Variants in FHOD3 observed in about 807,000 individuals in gnomAD.
FHOD3 encodes formin homology 2 domain containing 3.
Under a neutral mutation model 173.0 loss-of-function variants are expected in FHOD3, and 90 were observed. The ratio of observed to expected loss-of-function variants is 0.52; its 90% CI spans 0.44 to 0.62. The LOEUF (loss-of-function observed/expected upper bound fraction) is 0.62, where lower values mean the gene tolerates loss of function less well. Ranked by LOEUF, FHOD3 falls within the 20% of genes least tolerant of loss-of-function variation. The pLI is 0.00. For synonymous variants in FHOD3, 828 were observed against 823.0 expected (o/e 1.01, Z -0.10); for missense variants, 1,945 against 2,034.7 (o/e 0.96, Z 0.85).
At chr18:36,488,324 G>C (rs1377681429) in intron 3 of FHOD3, among the ~76,000 whole-genome samples, 2 of 152,228 alleles carry the variant, frequency 1.3e-5, no homozygotes, top group African/African-American at 4.8e-5. Flanking sequence ...GTTTAGGGCA[G>C]AGAGGGTGAA....
chr18:36,688,619 C>T (rs1242343118), intron 16 of FHOD3, among the ~76,000 whole-genome samples: 3 of 152,166 alleles, frequency 2.0e-5, no homozygotes, highest in Non-Finnish European at 4.4e-5. Context: ...ACTGAAAATG[C>T]GGTTGACTTC....
At chr18:36,347,641 T>C (rs1268232145) in intron 1 of FHOD3, among the ~76,000 whole-genome samples, 2 of 152,258 alleles carry the variant, frequency 1.3e-5, no homozygotes, top group African/African-American at 2.4e-5. Flanking sequence ...GATATCTTTG[T>C]ACTTCATCCT....
chr18:36,378,352 T>C (rs34484767), intron 3 of FHOD3, among the ~76,000 whole-genome samples: 1 of 152,150 alleles, frequency 6.6e-6, no homozygotes, highest in African/African-American at 2.4e-5. Flanking sequence ...ATGAGCTCTG[T>C]GGGTTAATCA....
At chr18:36,733,497 A>G (rs1462500981) in intron 20 of FHOD3, among the ~76,000 whole-genome samples, 1 of 152,232 alleles carries the variant, frequency 6.6e-6, no homozygotes, top group Non-Finnish European at 1.5e-5. Context: ...CCTCCTTGTC[A>G]TGAGAACTTG....
rs1555686552 is a variant in FHOD3, at chr18:36,380,568, T to TTTCCTTTCCTTTCC, written c.337+7826_337+7827insCCTTTCCTTTCCTT. On this transcript the variant is annotated intron_variant, in intron 3 of 28. Coordinates refer to ENST00000590592, the MANE Select transcript of FHOD3 (RefSeq NM_001281740.3). ...CTTTCTTTTGTTTTCTTTTCTTTTC[T>TTTCCTTTCCTTTCC]TTTCTTTTCTTTTCCTTTCCTTTCC... 5.8e-3 allele frequency among the ~76,000 whole-genome samples: 482 copies of TTTCCTTTCCTTTCC among 82,576 alleles called. 6 individuals are homozygous for TTTCCTTTCCTTTCC. The highest frequency in any genetic ancestry group is 0.019 in the South Asian group (30 of 1,560). 54.2% of individuals were successfully genotyped at this position (82,576 alleles called of 152,430 possible). A position where few individuals can be genotyped will look rare whatever the true frequency, so the allele number is the denominator to read the frequency against.
chr18:36,632,074 T>C (rs2034555610), intron 10 of FHOD3, among the ~76,000 whole-genome samples: 1 of 152,194 alleles, frequency 6.6e-6, no homozygotes, highest in African/African-American at 2.4e-5. Flanking sequence ...TTTGTGAGCA[T>C]TAGCACTCTT....
intron 1 of FHOD3, among the ~76,000 whole-genome samples, chr18:36,337,671 A>C (rs1191818435): frequency 6.6e-6 from 1 of 152,198 alleles, no homozygotes; most frequent in African/African-American, 2.4e-5. Flanking sequence ...TTAAAAGTGC[A>C]CAAGTTGTAA....
intron 1 of FHOD3, among the ~76,000 whole-genome samples, chr18:36,323,460 G>A (rs766976974): frequency 6.6e-6 from 1 of 152,152 alleles, no homozygotes; most frequent in Admixed American, 6.5e-5. Context: ...ATAGCCCCAG[G>A]CACATCAGGC....
intron 18 of FHOD3, among the ~76,000 whole-genome samples, chr18:36,715,611 G>A (rs2040406140): frequency 6.6e-6 from 1 of 152,118 alleles, no homozygotes; most frequent in Non-Finnish European, 1.5e-5. Context: ...CCCAAATCCT[G>A]TTCTCACAGA....
intron 14 of FHOD3, among the ~76,000 whole-genome samples, chr18:36,666,353 C>T (rs2037180259): frequency 6.6e-6 from 1 of 152,208 alleles, no homozygotes; most frequent in Non-Finnish European, 1.5e-5. Context: ...TTGCTGGTTT[C>T]ATCATGAGAG....
intron 10 of FHOD3, among the ~76,000 whole-genome samples, chr18:36,635,363 G>A (rs16968095): frequency 0.015 from 2,266 of 152,296 alleles, 49 homozygotes; most frequent in African/African-American, 0.051. Flanking sequence ...TTAAGGCCAA[G>A]TGGAGCTACT....
chr18:36,652,545 C>A, intron 11 of FHOD3, 25 bp from the exon 12 acceptor site: 1 of 1,503,170 alleles, frequency 6.7e-7, no homozygotes, highest in Non-Finnish European at 8.9e-7. Flanking sequence ...TTTCTTCTTC[C>A]TCCTCCTCCC....
At chr18:36,604,208 ACT>A (rs2031794628) in intron 8 of FHOD3, among the ~76,000 whole-genome samples, 1 of 151,920 alleles carries the variant, frequency 6.6e-6, no homozygotes, top group Non-Finnish European at 1.5e-5. Flanking sequence ...CCTTCCTTGT[ACT>A]CTCCTTACAC....
chr18:36,625,041 T>TC (rs2033991686), intron 9 of FHOD3, among the ~76,000 whole-genome samples: 1 of 152,144 alleles, frequency 6.6e-6, no homozygotes, highest in African/African-American at 2.4e-5. Flanking sequence ...TTCACCTGGA[T>TC]CTTGTGGCTC....
In FHOD3 at chr18:36,351,387, T is replaced by C. The variant is rs1465403196; in HGVS notation, c.166-4152T>C. Among the ~76,000 whole-genome samples the C allele has an allele frequency of 2.0e-5, 3 of 152,204 alleles. No homozygotes were observed. The East Asian group carries it at 5.8e-4, about 29-fold the overall frequency. ...GGGACTCGGGCAGTTCCATGGAGGA[T>C]GCTTAGGTCTCTGCTAACGATAGCA... On this transcript the variant is annotated intron_variant, in intron 1 of 28. Coordinates refer to ENST00000590592, the MANE Select transcript of FHOD3 (RefSeq NM_001281740.3).
chr18:36,588,207 G>T (rs1288389320), intron 6 of FHOD3, among the ~76,000 whole-genome samples: 1 of 152,344 alleles, frequency 6.6e-6, no homozygotes, highest in Non-Finnish European at 1.5e-5. Flanking sequence ...CTGTTGGATT[G>T]TTTGATAACC....
rs369140565 is a variant in FHOD3 at position 36,720,732 on chromosome 18, T to C, written c.3417+2017T>C. On this transcript the variant is annotated intron_variant, in intron 19 of 28. Transcript: ENST00000590592. Reference sequence around the variant, plus strand: ...TCCTCCTCCTTCTCTTCCTCCTTCTTCTTCTCCTCCTCCTTCTTCTCCTCC... The same window carrying C: ...TCCTCCTCCTTCTCTTCCTCCTTCTCCTTCTCCTCCTCCTTCTTCTCCTCC... 4.3e-3 allele frequency among the ~76,000 whole-genome samples: 412 copies of C among 95,224 alleles called. 10 individuals are homozygous for C. The East Asian group carries it at 0.088, about 20-fold the overall frequency. The allele number at this position is 95,224 out of a possible 152,430, so 62.5% of individuals were successfully genotyped here. A position where few individuals can be genotyped will look rare whatever the true frequency, so the allele number is the denominator to read the frequency against.
intron 1 of FHOD3, among the ~76,000 whole-genome samples, chr18:36,349,384 G>A (rs1026057544): frequency 4.6e-5 from 7 of 152,230 alleles, no homozygotes; most frequent in Non-Finnish European, 1.0e-4. Context: ...GAGGGAATTT[G>A]CTGCAAAATC....
At position 36,465,620 on chromosome 18, in the gene FHOD3, C is replaced by G. The variant is rs369275324; in HGVS notation, c.338-36312C>G. Among the ~76,000 whole-genome samples, 3 of 152,224 alleles carry G rather than the reference C, an allele frequency of 2.0e-5. No individual in the cohort carries two copies. In the East Asian group the frequency reaches 5.8e-4, roughly 29 times the overall value. On this transcript the variant is annotated intron_variant, in intron 3 of 28. Coordinates refer to ENST00000590592, the MANE Select transcript of FHOD3 (RefSeq NM_001281740.3). ...CTTGGCTGATGGCTTCCTAATGATT[C>G]TAGGTTCATCAGACATTTGTGAGAG...
Sources: allele counts gnomAD v4.1 joint callset (sites outside exome capture counted in the v4.1 genomes callset), GRCh38; gene constraint gnomAD v4.1.1; transcripts MANE v1.5; gene names NCBI Gene and HGNC (gene_info 2026-07-23, HGNC 2026-07-21).